Variants in TJP1 observed in about 807,000 individuals in gnomAD.
TJP1 encodes the protein tight junction protein 1, also known as tight junction protein ZO-1.
Under a neutral mutation model 194.2 loss-of-function variants are expected in TJP1, and 43 were observed. The observed-to-expected ratio is 0.22, with a 90% CI of 0.17 to 0.29. TJP1 has a LOEUF of 0.29. Ranked by LOEUF, TJP1 falls within the 10% of genes least tolerant of loss-of-function variation. The probability of loss-of-function intolerance (pLI) is 1.00; values close to 1 mark genes in which losing one functional copy is unlikely to be tolerated. For missense variants in TJP1, 1,971 were observed against 2,185.7 expected, an observed-to-expected ratio of 0.90 and a Z score of 1.96; for synonymous variants, 801 against 779.0, an observed-to-expected ratio of 1.03 and a Z score of -0.47.
intron 8 of TJP1, among the ~76,000 whole-genome samples, chr15:29,757,100 G>A (rs2045690416): frequency 1.3e-5 from 2 of 152,164 alleles, no homozygotes; most frequent in African/African-American, 4.8e-5. Flanking sequence ...GAGGTTTCAA[G>A]GTTATGCAAG....
At chr15:29,792,604 TTG>T (rs2048167179) in intron 2 of TJP1, among the ~76,000 whole-genome samples, 1 of 152,218 alleles carries the variant, frequency 6.6e-6, no homozygotes. Flanking sequence ...AATTTTAGGA[TTG>T]TTTTTCCAAC....
Position 29,822,021 on chromosome 15 carries a change from G to A in TJP1, c.8C>T (p.Ala3Val), listed in dbSNP as rs766952711. The change falls in exon 1 of 28, where the codon GCC becomes GTC. Residue 3 changes from alanine (A) to valine (V), a missense_variant. Coordinates refer to ENST00000614355, the MANE Select transcript of TJP1 (RefSeq NM_001330239.4). ...GCTCACCTTGGCGGCCGCAGCTCTG[G>A]CGGACATCTTGTCTCTCTCCAGCGC... MS[A>V]RAAAAKSTAM... 7.4e-7 allele frequency: 1 copy of A among 1,355,464 alleles called. No individual in the cohort carries two copies. Among genetic ancestry groups the A allele is most frequent in the Non-Finnish European group, 9.5e-7 (1 of 1,050,866 alleles). 84.0% of individuals were successfully genotyped at this position (1,355,464 alleles called of 1,614,324 possible). A position where few individuals can be genotyped will look rare whatever the true frequency, so the allele number is the denominator to read the frequency against.
chr15:29,922,703 T>C (rs945470395), intron 2 of TJP1, among the ~76,000 whole-genome samples: 1 of 152,018 alleles, frequency 6.6e-6, no homozygotes, highest in African/African-American at 2.4e-5. Flanking sequence ...ATGGTTATTA[T>C]AAACCACAGG....
chr15:29,739,115 T>C (rs2044229736), intron 10 of TJP1, among the ~76,000 whole-genome samples: 1 of 152,062 alleles, frequency 6.6e-6, no homozygotes, highest in Admixed American at 6.6e-5. Flanking sequence ...CCCTGACCCA[T>C]CTAATGTGCT....
chr15:29,852,836 GGAGGTT>G (rs2051695780), intron 2 of TJP1, among the ~76,000 whole-genome samples: 1 of 151,776 alleles, frequency 6.6e-6, no homozygotes, highest in Non-Finnish European at 1.5e-5. Context: ...CCTGGGAGGC[GGAGGTT>G]GCAGTGAGCC....
At chr15:29,817,903 G>C (rs2050043556) in intron 1 of TJP1, among the ~76,000 whole-genome samples, 1 of 151,994 alleles carries the variant, frequency 6.6e-6, no homozygotes, top group South Asian at 2.1e-4. Context: ...AATGCATGTG[G>C]GGCTTAAAAC....
chr15:29,704,346 GTCTT>G, intron 26 of TJP1, 41 bp from the exon 27 acceptor site: 2 of 1,542,742 alleles, frequency 1.3e-6, no homozygotes, highest in Non-Finnish European at 1.8e-6. Context: ...GATGGATGTG[GTCTT>G]TCTTCTAGAA....
At chr15:29,735,499 A>G (rs2043965326) in intron 11 of TJP1, among the ~76,000 whole-genome samples, 1 of 151,480 alleles carries the variant, frequency 6.6e-6, no homozygotes. Context: ...TGAGGGGAAG[A>G]ATGTTTGAGC....
rs986752687 is a variant in TJP1, at chr15:29,854,713, C to A, written c.307-54011G>T. 2.6e-5 allele frequency among the ~76,000 whole-genome samples: 4 copies of A among 152,028 alleles called. 1 individual carries two copies. The highest frequency in any genetic ancestry group is 4.1e-4 in the South Asian group (2 of 4,822). On this transcript the variant is annotated intron_variant, in intron 2 of 28. Transcript: ENST00000356107. Reference sequence around the variant, plus strand: ...GGCAGCCACAGGAACAGTTTGACTCCCTTCACCCGGAGTACAATCCACGCA... The same window carrying A: ...GGCAGCCACAGGAACAGTTTGACTCACTTCACCCGGAGTACAATCCACGCA...
At chr15:29,948,797 G>C (rs1177460361) in intron 2 of TJP1, among the ~76,000 whole-genome samples, 1 of 152,024 alleles carries the variant, frequency 6.6e-6, no homozygotes, top group Non-Finnish European at 1.5e-5. Context: ...GTTTGAGTTA[G>C]TGTTCTGTTA....
At chr15:29,850,857 G>T (rs1432042541) in intron 2 of TJP1, among the ~76,000 whole-genome samples, 1 of 152,022 alleles carries the variant, frequency 6.6e-6, no homozygotes, top group African/African-American at 2.4e-5. Flanking sequence ...TAAAATATAG[G>T]CTGGGCACAG....
chr15:29,938,457 A>C (rs2152279869), intron 2 of TJP1, among the ~76,000 whole-genome samples: 1 of 152,346 alleles, frequency 6.6e-6, no homozygotes, highest in African/African-American at 2.4e-5. Context: ...TTGTAGTACA[A>C]GTTTACAGCT....
chr15:29,807,556 CT>C (rs2049192447), intron 1 of TJP1, among the ~76,000 whole-genome samples: 1 of 152,080 alleles, frequency 6.6e-6, no homozygotes, highest in African/African-American at 2.4e-5. Flanking sequence ...CTGAGTATAT[CT>C]TTTTGCATAA....
intron 1 of TJP1, among the ~76,000 whole-genome samples, chr15:29,801,501 G>A (rs1310570800): frequency 8.3e-5 from 12 of 144,620 alleles, no homozygotes; most frequent in African/African-American, 2.1e-4. Context: ...TCGCTCTGTC[G>A]CCCAGGCTGG....
upstream of TJP1, among the ~76,000 whole-genome samples, chr15:29,826,784 T>C (rs1393362178): frequency 6.6e-6 from 1 of 152,222 alleles, no homozygotes; most frequent in Non-Finnish European, 1.5e-5. Context: ...ACTGCAGGTA[T>C]ACAAGACCCT....
Position 29,737,400 on chromosome 15 carries a change from A to C in TJP1, c.1271T>G (p.Leu424Trp). The C allele has an allele frequency of 6.2e-7, 1 of 1,614,184 alleles. No homozygotes were observed. ...ACTATCTCCTTTTCTGAATTTTACC[A>C]ATTTCATGCTGGGCCTGTTAAAACA... ...EDGILRPSMKLVKFRKGDSVG... is the reference protein window; with the variant it reads ...EDGILRPSMKWVKFRKGDSVG... Residue 424 changes from leucine to tryptophan, a missense_variant, in exon 11 of 28, where the codon TTG becomes TGG. Transcript: ENST00000614355.
intron 2 of TJP1, among the ~76,000 whole-genome samples, chr15:29,864,746 T>C (rs2052240473): frequency 6.6e-6 from 1 of 152,130 alleles, no homozygotes; most frequent in South Asian, 2.1e-4. Context: ...CTTATCACTA[T>C]CTCCACCTTT....
At chr15:29,872,008 C>T (rs1247745902) in intron 2 of TJP1, among the ~76,000 whole-genome samples, 1 of 152,180 alleles carries the variant, frequency 6.6e-6, no homozygotes, top group Non-Finnish European at 1.5e-5. Context: ...GGTCTGAACA[C>T]ACAGCACACA....
intron 8 of TJP1, among the ~76,000 whole-genome samples, chr15:29,748,302 T>G (rs962029695): frequency 3.3e-5 from 5 of 152,236 alleles, no homozygotes; most frequent in Non-Finnish European, 7.3e-5. Flanking sequence ...CACCTCGATT[T>G]GGACTGGCCA....
Sources: gnomAD v4.1 joint callset for allele counts (sites outside exome capture counted in the v4.1 genomes callset) on GRCh38, gnomAD v4.1.1 for gene constraint, MANE v1.5 for transcripts, NCBI Gene and HGNC (gene_info 2026-07-23, HGNC 2026-07-21) for gene names.